The following ANKRD30B variants were observed in gnomAD, a reference collection of about 807,000 sequenced individuals.
The protein encoded by ANKRD30B is ankyrin repeat domain 30B.
Under a neutral mutation model 202.2 loss-of-function variants are expected in ANKRD30B, and 144 were observed. The observed-to-expected ratio is 0.71, with a 90% confidence interval of 0.62 to 0.82. The LOEUF (loss-of-function observed/expected upper bound fraction) is 0.82. Among genes scored for constraint, ANKRD30B ranks in the 40% least tolerant of loss-of-function variants. The probability of loss-of-function intolerance (pLI) is 0.00; values close to 1 mark genes in which losing one functional copy is unlikely to be tolerated. For missense variants in ANKRD30B, 1,487 were observed against 1,669.1 expected (o/e 0.89, Z 1.90); for synonymous variants, 508 against 561.3 (o/e 0.91, Z 1.34).
At position 14,757,918 on chromosome 18, in the gene ANKRD30B, G is replaced by C. The variant is rs764269719; in HGVS notation, c.721G>C (p.Ala241Pro). ...VFAEDIHGIT[A>P]ERYAAACGVN... The stretch of plus-strand genomic sequence containing the variant: ...TGCTGAAGACATACATGGAATAACT[G>C]CAGAACGTTATGCTGCTGCTTGTGG... Residue 241 changes from alanine to proline, a missense_variant, in exon 5 of 44, where the codon GCA becomes CCA. This residue lies in a region of ANKRD30B where 889 missense variants were observed against 841.4 expected (regional missense o/e 1.06). Coordinates refer to ENST00000690538, the MANE Select transcript of ANKRD30B (RefSeq NM_001367607.2). 1.9e-6 allele frequency: 3 copies of C among 1,608,220 alleles called. No individual in the cohort carries two copies. Among genetic ancestry groups the C allele is most frequent in the Non-Finnish European group, 2.5e-6 (3 of 1,176,762 alleles).
chr18:14,897,292 T>A, the ANKRD30B span, among the ~76,000 whole-genome samples: 1 of 152,120 alleles, frequency 6.6e-6, no homozygotes, highest in African/African-American at 2.4e-5. Context: ...GCAGTTCTTG[T>A]TCCTCAGCCT....
chr18:14,787,044 A>T lies in ANKRD30B; in HGVS notation c.1678A>T (p.Met560Leu). The T allele has an allele frequency of 1.2e-6, 2 of 1,609,394 alleles. No individual in the cohort carries two copies. Among genetic ancestry groups the T allele is most frequent in the Non-Finnish European group, 1.7e-6 (2 of 1,177,000 alleles). The change falls in exon 15 of 44, where the codon ATG (methionine) becomes TTG (leucine). Residue 560 changes from methionine (M) to leucine (L), a missense_variant. Coordinates refer to ENST00000690538, the MANE Select transcript of ANKRD30B (RefSeq NM_001367607.2). ...KNEQTLRAAQ[M>L]FPSESKQKDD... The stretch of plus-strand genomic sequence containing the variant: ...CTGTGATTAACCTTTTATAGCTCAG[A>T]TGTTCCCATCAGAATCCAAACAAAA...
intron 37 of ANKRD30B, among the ~76,000 whole-genome samples, chr18:14,841,067 C>A (rs1413797539): frequency 6.6e-6 from 1 of 152,130 alleles, no homozygotes; most frequent in Non-Finnish European, 1.5e-5. Flanking sequence ...TATAAAGTGA[C>A]CTCCCATTAC....
chr18:14,880,790 C>A, the ANKRD30B span, among the ~76,000 whole-genome samples: 4 of 152,080 alleles, frequency 2.6e-5, no homozygotes, highest in African/African-American at 9.6e-5. Context: ...CTTTTGATTC[C>A]TTTGCTAGGT....
At chr18:14,849,145 A>G (rs1390718760) in intron 40 of ANKRD30B, among the ~76,000 whole-genome samples, 2 of 151,896 alleles carry the variant, frequency 1.3e-5, no homozygotes, top group Non-Finnish European at 2.9e-5. Flanking sequence ...TTTAATGGCT[A>G]TATAGAAGGC....
In ANKRD30B at chr18:14,797,654, C is replaced by A; in HGVS notation, c.1928-7C>A. 1 of 1,606,340 alleles carries A rather than the reference C, an allele frequency of 6.2e-7. No homozygotes were observed. Among genetic ancestry groups the A allele is most frequent in the Non-Finnish European group, 8.5e-7 (1 of 1,173,244 alleles). On this transcript the variant is annotated splice_polypyrimidine_tract_variant and splice_region_variant and intron_variant, in intron 18 of 43. Coordinates refer to ENST00000690538, the MANE Select transcript of ANKRD30B (RefSeq NM_001367607.2). ...ATAATCAATTATAAATGTCCCTTTT[C>A]TTTTAGAGTCTCCTGATAAAGATGG...
chr18:14,774,178 A>G (rs1967203576), intron 9 of ANKRD30B, among the ~76,000 whole-genome samples: 1 of 152,170 alleles, frequency 6.6e-6, no homozygotes. Context: ...TTACCCAGGT[A>G]TTAACAAATA....
At chr18:14,775,721 C>A (rs1389743178) in intron 9 of ANKRD30B, among the ~76,000 whole-genome samples, 2 of 152,132 alleles carry the variant, frequency 1.3e-5, no homozygotes, top group Admixed American at 1.3e-4. Flanking sequence ...ATTCCAAGGT[C>A]ACAACTGTGG....
downstream of ANKRD30B, among the ~76,000 whole-genome samples, chr18:14,859,423 C>G (rs1972146277): frequency 2.8e-5 from 1 of 35,798 alleles, no homozygotes. Flanking sequence ...GCGCTCCTCA[C>G]TTCCCAGATG....
rs1201068217 is a variant in ANKRD30B, at chr18:14,811,462, C to T, written c.2488+1282C>T. ...TGCTGACCTTGTAATCCACCCACCT[C>T]GGCCTCCTAAAGTGCTGGGATTAGA... On this transcript the variant is annotated intron_variant, in intron 28 of 43. Coordinates refer to ENST00000690538, the MANE Select transcript of ANKRD30B (RefSeq NM_001367607.2). 1.3e-3 allele frequency among the ~76,000 whole-genome samples: 201 copies of T among 149,630 alleles called. 1 individual carries two copies. Among genetic ancestry groups the T allele is most frequent in the African/African-American group, 5.0e-3 (197 of 39,726 alleles).
chr18:14,811,216 A>C (rs1385121042), intron 28 of ANKRD30B, among the ~76,000 whole-genome samples: 1 of 151,548 alleles, frequency 6.6e-6, no homozygotes, highest in Non-Finnish European at 1.5e-5. Context: ...AAATTTTGAT[A>C]TGGCGTCTCG....
chr18:14,760,119 T>C (rs1915023368), intron 5 of ANKRD30B, among the ~76,000 whole-genome samples: 1 of 152,230 alleles, frequency 6.6e-6, no homozygotes, highest in African/African-American at 2.4e-5. Context: ...ATTGCTTCAC[T>C]ATTTCTTTGA....
intron 28 of ANKRD30B, among the ~76,000 whole-genome samples, chr18:14,811,579 GTATTCTTATGCA>G (rs1331496155): frequency 7.4e-6 from 1 of 135,280 alleles, no homozygotes. Flanking sequence ...CTTTTTAAAA[GTATTCTTATGCA>G]TGTTTAAACA....
At chr18:14,767,310 C>A (rs1461063629) in intron 7 of ANKRD30B, among the ~76,000 whole-genome samples, 1 of 152,102 alleles carries the variant, frequency 6.6e-6, no homozygotes, top group Non-Finnish European at 1.5e-5. Flanking sequence ...ATGTCTGAAA[C>A]TGTGAATAGT....
chr18:14,892,018 G>C, the ANKRD30B span, among the ~76,000 whole-genome samples: 1 of 152,200 alleles, frequency 6.6e-6, no homozygotes, highest in East Asian at 1.9e-4. Context: ...GACAAAAACT[G>C]TAATTACCTT....
At chr18:14,871,964 T>C in the ANKRD30B span, among the ~76,000 whole-genome samples, 66 of 152,332 alleles carry the variant, frequency 4.3e-4, no homozygotes, top group African/African-American at 1.5e-3. Flanking sequence ...TGCTCAAGAT[T>C]TGACTTACAT....
At chr18:14,781,205 GCAGA>G (rs200376299) in intron 11 of ANKRD30B, among the ~76,000 whole-genome samples, 1,651 of 145,210 alleles carry the variant, frequency 0.011, 23 homozygotes, top group African/African-American at 0.039. Context: ...TTTTCTATCA[GCAGA>G]CATTTTATCA....
In ANKRD30B at chr18:14,791,423, A is replaced by G. The variant is rs1173610122; in HGVS notation, c.1757A>G (p.Gln586Arg). ...CAGAGTCCCTGTGAGACGGTTTCACAGAAGGATGTGTATTTACCCAAAGCT... is the reference window on the plus strand; with the variant it reads ...CAGAGTCCCTGTGAGACGGTTTCACGGAAGGATGTGTATTTACCCAAAGCT... Reference protein sequence around the residue: ...DSESPCETVSQKDVYLPKATH... With the variant: ...DSESPCETVSRKDVYLPKATH... Residue 586 changes from glutamine to arginine, a missense_variant, in exon 16 of 44, where the codon CAG becomes CGG. By Grantham distance (43) the Gln-to-Arg change is conservative. Transcript: ENST00000690538. 1 of 1,608,914 alleles carries G rather than the reference A, an allele frequency of 6.2e-7. No individual in the cohort carries two copies. The highest frequency in any genetic ancestry group is 1.7e-5 in the Admixed American group (1 of 58,600).
chr18:14,865,535 A>T, the ANKRD30B span, among the ~76,000 whole-genome samples: 1 of 149,410 alleles, frequency 6.7e-6, no homozygotes, highest in Non-Finnish European at 1.5e-5. Context: ...TCTACCCAAA[A>T]ACTTTTTCAC....
Sources: allele counts gnomAD v4.1 joint callset (sites outside exome capture counted in the v4.1 genomes callset), GRCh38; gene constraint gnomAD v4.1.1; regional missense constraint gnomAD v4.1.1; transcripts MANE v1.5; gene names NCBI Gene and HGNC (gene_info 2026-07-23, HGNC 2026-07-21).